EPM2A: variants seen among roughly 807,000 people sequenced by gnomAD.
EPM2A encodes the protein laforin.
EPM2A carries 21 observed loss-of-function variants against 26.5 expected under a neutral mutation model. That is an observed-to-expected ratio of 0.79 (90% CI 0.56 to 1.14). The LOEUF (loss-of-function observed/expected upper bound fraction) is 1.14, where lower values mean the gene tolerates loss of function less well. EPM2A is among the 50% of genes most tolerant of loss of function. The pLI, the probability that EPM2A is intolerant of heterozygous loss-of-function variation, is 0.00. For synonymous variants in EPM2A, 217 were observed against 177.6 expected (o/e 1.22, Z -1.76); for missense variants, 458 against 440.8 (o/e 1.04, Z -0.35).
At chr6:145,605,999 C>G (rs56282473) in intron 2 of EPM2A, among the ~76,000 whole-genome samples, 10,208 of 152,138 alleles carry the variant, frequency 0.067, 1,151 homozygotes, top group African/African-American at 0.23. Context: ...AATCCTATAG[C>G]ATATTTCTCC....
chr6:145,457,911 A>T (rs891818952), intron 4 of EPM2A, among the ~76,000 whole-genome samples: 2 of 152,266 alleles, frequency 1.3e-5, no homozygotes, highest in Non-Finnish European at 2.9e-5. Context: ...ACTGAGTAAC[A>T]TAAATAAAAC....
intron 2 of EPM2A, among the ~76,000 whole-genome samples, chr6:145,618,431 C>T (rs1017151311): frequency 5.3e-5 from 8 of 152,104 alleles, no homozygotes; most frequent in African/African-American, 1.9e-4. Flanking sequence ...GGTTGTGTCC[C>T]CACCCAAATC....
chr6:145,584,310 C>G (rs1781157576), intron 2 of EPM2A, among the ~76,000 whole-genome samples: 1 of 152,062 alleles, frequency 6.6e-6, no homozygotes, highest in Non-Finnish European at 1.5e-5. Flanking sequence ...TGCAAAGCAC[C>G]CTGATTGGGC....
chr6:145,476,044 A>C (rs1269585700), intron 4 of EPM2A, among the ~76,000 whole-genome samples: 1 of 152,114 alleles, frequency 6.6e-6, no homozygotes, highest in Non-Finnish European at 1.5e-5. Flanking sequence ...ACATATAAAG[A>C]CACACATAGA....
intron 2 of EPM2A, among the ~76,000 whole-genome samples, chr6:145,651,258 ATACAATTTGTCTTGAAGTAAGGAATTC>A: frequency 6.6e-6 from 1 of 152,358 alleles, no homozygotes; most frequent in African/African-American, 2.4e-5. Flanking sequence ...CACCAAAGCC[ATACAATTTGTCTTGAAGTAAGGAATTC>A]TACATCAGCT....
At chr6:145,487,944 G>C (rs541840839) in intron 4 of EPM2A, among the ~76,000 whole-genome samples, 27 of 152,232 alleles carry the variant, frequency 1.8e-4, no homozygotes, top group African/African-American at 6.0e-4. Flanking sequence ...GGTTTTTATA[G>C]TTTTGGGTTT....
intron 4 of EPM2A, among the ~76,000 whole-genome samples, chr6:145,385,676 C>T (rs1778250478): frequency 6.6e-6 from 1 of 152,088 alleles, no homozygotes; most frequent in African/African-American, 2.4e-5. Flanking sequence ...TGTTTCTGTA[C>T]ACAGACTTTC....
rs539280742 is a variant in EPM2A, at chr6:145,557,841, C to T, written c.341-55266G>A. On this transcript the variant is annotated intron_variant, in intron 2 of 3. Transcript: ENST00000450221. The stretch of plus-strand genomic sequence containing the variant: ...TACAATAGATCTCTTGAACTTGTTC[C>T]TCCTAACTAAAATTTTGTATCCTTT... Among the ~76,000 whole-genome samples, 5 of 152,078 alleles carry T rather than the reference C, an allele frequency of 3.3e-5. No homozygotes were observed. The East Asian group carries it at 9.7e-4, about 29-fold the overall frequency.
intron 2 of EPM2A, among the ~76,000 whole-genome samples, chr6:145,669,839 T>C (rs914996157): frequency 6.6e-6 from 1 of 152,198 alleles, no homozygotes; most frequent in Non-Finnish European, 1.5e-5. Context: ...AGTCAGTACA[T>C]TTATATTCCA....
At chr6:145,386,896 TTAAAG>T (rs1778269375) in intron 4 of EPM2A, among the ~76,000 whole-genome samples, 1 of 152,196 alleles carries the variant, frequency 6.6e-6, no homozygotes, top group African/African-American at 2.4e-5. Flanking sequence ...AGAAATCTAC[TTAAAG>T]TAGTCTGTTT....
At chr6:145,624,117 T>G (rs1485768118), downstream of EPM2A, among the ~76,000 whole-genome samples, 1 of 152,116 alleles carries the variant, frequency 6.6e-6, no homozygotes, top group East Asian at 1.9e-4. Flanking sequence ...TTCTATCAGT[T>G]TTCTTCTTTT....
At chr6:145,486,077 C>T (rs904631918) in intron 4 of EPM2A, among the ~76,000 whole-genome samples, 14 of 152,254 alleles carry the variant, frequency 9.2e-5, no homozygotes, top group African/African-American at 3.4e-4. Context: ...ATGCTGTGAG[C>T]TGTGGGTTGG....
At chr6:145,473,857 A>T (rs1275184397) in intron 4 of EPM2A, among the ~76,000 whole-genome samples, 2 of 150,138 alleles carry the variant, frequency 1.3e-5, no homozygotes, top group Non-Finnish European at 2.9e-5. Flanking sequence ...ACTTTCCCAG[A>T]CAAACAAAAG....
At chr6:145,642,789 G>A (rs1471685911) in intron 2 of EPM2A, among the ~76,000 whole-genome samples, 1 of 152,104 alleles carries the variant, frequency 6.6e-6, no homozygotes, top group Non-Finnish European at 1.5e-5. Flanking sequence ...CTAGGGACAT[G>A]GAGTGTGGTG....
At chr6:145,465,069 T>C (rs999393997) in intron 4 of EPM2A, among the ~76,000 whole-genome samples, 1 of 152,056 alleles carries the variant, frequency 6.6e-6, no homozygotes, top group Non-Finnish European at 1.5e-5. Flanking sequence ...CTGCAGAGTG[T>C]TTTCCAACTT....
chr6:145,513,994 T>A (rs1161752875), intron 2 of EPM2A, among the ~76,000 whole-genome samples: 5 of 152,222 alleles, frequency 3.3e-5, no homozygotes, highest in Non-Finnish European at 7.3e-5. Context: ...ACAGCTGAAC[T>A]GGTGGTGCAC....
At chr6:145,548,113 G>A (rs2114801202) in intron 2 of EPM2A, among the ~76,000 whole-genome samples, 1 of 152,210 alleles carries the variant, frequency 6.6e-6, no homozygotes, top group South Asian at 2.1e-4. Flanking sequence ...GCATGCTGCA[G>A]TGAAATCATG....
chr6:145,555,670 C>G (rs993574151), intron 2 of EPM2A, among the ~76,000 whole-genome samples: 1 of 152,082 alleles, frequency 6.6e-6, no homozygotes, highest in Non-Finnish European at 1.5e-5. Context: ...TATGCACATA[C>G]TTACAAATAG....
intron 2 of EPM2A, among the ~76,000 whole-genome samples, chr6:145,606,768 T>C (rs1312770430): frequency 6.6e-6 from 1 of 152,238 alleles, no homozygotes; most frequent in South Asian, 2.1e-4. Flanking sequence ...AGGAGAGACA[T>C]ACTTTGGCAG....
Sources: allele counts gnomAD v4.1 joint callset (sites outside exome capture counted in the v4.1 genomes callset), GRCh38; gene constraint gnomAD v4.1.1; transcripts MANE v1.5; gene names NCBI Gene and HGNC (gene_info 2026-07-23, HGNC 2026-07-21).